AFG2A: variants seen among roughly 807,000 people sequenced by gnomAD.
AFG2A encodes the protein ATPase family gene 2 protein homolog A.
the AFG2A span, among the ~76,000 whole-genome samples, chr4:123,165,580 A>G: frequency 4.2e-4 from 64 of 152,214 alleles, no homozygotes; most frequent in African/African-American, 1.4e-3. Context: ...ATTTATTAAT[A>G]AATTTATATT....
the AFG2A span, among the ~76,000 whole-genome samples, chr4:123,115,112 CAGGGCTCCAGG>C: frequency 2.0e-5 from 3 of 152,126 alleles, no homozygotes; most frequent in Non-Finnish European, 2.9e-5. Flanking sequence ...CAGCCTGGAG[CAGGGCTCCAGG>C]CCATCGCTGG....
chr4:123,023,340 A>G, the AFG2A span, among the ~76,000 whole-genome samples: 3 of 152,164 alleles, frequency 2.0e-5, no homozygotes, highest in Non-Finnish European at 4.4e-5. Flanking sequence ...AACAAACTGC[A>G]TATGTACTCC....
At chr4:123,240,706 C>G in the AFG2A span, among the ~76,000 whole-genome samples, 3 of 152,092 alleles carry the variant, frequency 2.0e-5, no homozygotes, top group Non-Finnish European at 2.9e-5. Context: ...GACACCCTGA[C>G]ATCACAATTA....
the AFG2A span, among the ~76,000 whole-genome samples, chr4:123,091,430 T>C: frequency 0.1 from 15,958 of 152,270 alleles, 934 homozygotes; most frequent in Middle Eastern, 0.2. Context: ...ACTTTTAGCA[T>C]ATTTCTCTAG....
the AFG2A span, among the ~76,000 whole-genome samples, chr4:123,307,065 A>G: frequency 3.3e-5 from 5 of 152,168 alleles, no homozygotes; most frequent in Non-Finnish European, 7.3e-5. Flanking sequence ...CTGTGATTCA[A>G]ACTTGTCTAT....
the AFG2A span, among the ~76,000 whole-genome samples, chr4:123,135,358 G>A: frequency 0.021 from 3,268 of 152,282 alleles, 111 homozygotes; most frequent in African/African-American, 0.074. Context: ...AATACAAGAT[G>A]CTTACCTATT....
At chr4:123,150,540 C>G in the AFG2A span, among the ~76,000 whole-genome samples, 1 of 151,914 alleles carries the variant, frequency 6.6e-6, no homozygotes, top group Non-Finnish European at 1.5e-5. Flanking sequence ...AAGAGAATAC[C>G]TAGGAATCCA....
At chr4:123,062,448 CTAT>C in the AFG2A span, among the ~76,000 whole-genome samples, 5 of 151,992 alleles carry the variant, frequency 3.3e-5, no homozygotes, top group African/African-American at 1.2e-4. Context: ...TTTTTTAAAA[CTAT>C]CATTTTTTTC....
the AFG2A span, among the ~76,000 whole-genome samples, chr4:123,041,260 G>A: frequency 1.6e-4 from 23 of 143,946 alleles, no homozygotes; most frequent in East Asian, 2.1e-4. Flanking sequence ...ACAGGTGCCC[G>A]CCACCACGCC....
the AFG2A span, among the ~76,000 whole-genome samples, chr4:123,177,418 C>G: frequency 4.6e-5 from 7 of 152,060 alleles, no homozygotes; most frequent in Non-Finnish European, 1.0e-4. Context: ...GTCTCAATCT[C>G]TTGACCTTGT....
the AFG2A span, among the ~76,000 whole-genome samples, chr4:123,147,620 G>T: frequency 6.6e-5 from 10 of 152,196 alleles, no homozygotes; most frequent in East Asian, 1.9e-3. Flanking sequence ...GTATGAACAA[G>T]GTTTCTCTGT....
the AFG2A span, among the ~76,000 whole-genome samples, chr4:123,242,141 T>G: frequency 2.0e-5 from 3 of 152,038 alleles, no homozygotes; most frequent in Non-Finnish European, 4.4e-5. Flanking sequence ...CACAAACAAA[T>G]GGAAGATGGG....
At chr4:122,945,067 G>C in the AFG2A span, among the ~76,000 whole-genome samples, 3 of 152,236 alleles carry the variant, frequency 2.0e-5, no homozygotes, top group African/African-American at 7.2e-5. Flanking sequence ...CTCCCAGTTA[G>C]GCTGCTCGGG....
At chr4:123,090,473 T>C in the AFG2A span, 8 of 1,280,076 alleles carry the variant, frequency 6.2e-6, no homozygotes, top group Non-Finnish European at 7.4e-6. Flanking sequence ...TATTTGAAAA[T>C]AGACATGATT....
chr4:123,155,951 T>C, the AFG2A span, among the ~76,000 whole-genome samples: 2 of 152,172 alleles, frequency 1.3e-5, no homozygotes, highest in African/African-American at 4.8e-5. Context: ...ATGCCTAAAA[T>C]TGGGTAATTT....
At chr4:123,043,330 A>G in the AFG2A span, among the ~76,000 whole-genome samples, 1,649 of 152,130 alleles carry the variant, frequency 0.011, 13 homozygotes, top group Middle Eastern at 0.075. Context: ...ATGCATCTTG[A>G]TGTAGTTTCC....
the AFG2A span, among the ~76,000 whole-genome samples, chr4:123,042,334 C>CAG: frequency 0.054 from 8,163 of 149,960 alleles, 502 homozygotes; most frequent in African/African-American, 0.16. Flanking sequence ...TAGTGGAAAG[C>CAG]AGAGAGAGAG....
At chr4:123,095,521 A>T in the AFG2A span, among the ~76,000 whole-genome samples, 1 of 152,146 alleles carries the variant, frequency 6.6e-6, no homozygotes, top group Non-Finnish European at 1.5e-5. Context: ...TTAGCACGTA[A>T]TGTTCAAACT....
chr4:123,071,906 T>G, the AFG2A span, among the ~76,000 whole-genome samples: 1 of 152,272 alleles, frequency 6.6e-6, no homozygotes, highest in Non-Finnish European at 1.5e-5. Flanking sequence ...TATTCATTGT[T>G]AAATATTTCT....
Sources: gnomAD v4.1 joint callset for allele counts (sites outside exome capture counted in the v4.1 genomes callset) on GRCh38, gnomAD v4.1.1 for gene constraint, MANE v1.5 for transcripts, NCBI Gene and HGNC (gene_info 2026-07-23, HGNC 2026-07-21) for gene names.